SLC36A1: variants seen among roughly 807,000 people sequenced by gnomAD.
SLC36A1 encodes solute carrier family 36 member 1, also known as proton-coupled amino acid transporter 1.
SLC36A1 carries 30 observed loss-of-function variants against 47.5 expected under a neutral mutation model. The observed-to-expected ratio is 0.63, with a 90% CI of 0.47 to 0.86. The LOEUF (loss-of-function observed/expected upper bound fraction) is 0.86, where lower values mean the gene tolerates loss of function less well. SLC36A1 is among the 40% of genes least tolerant of loss of function. The pLI is 0.00. For synonymous variants in SLC36A1, 255 were observed against 249.7 expected (o/e 1.02, Z -0.20); for missense variants, 517 against 606.0 (o/e 0.85, Z 1.54).
At chr5:151,365,602 G>C in the SLC36A1 span, among the ~76,000 whole-genome samples, 1 of 152,168 alleles carries the variant, frequency 6.6e-6, no homozygotes, top group Non-Finnish European at 1.5e-5. Flanking sequence ...GGCTCAGAGA[G>C]GAAAAGTCAC....
At chr5:151,347,147 G>C in the SLC36A1 span, 1 of 907,920 alleles carries the variant, frequency 1.1e-6, no homozygotes, top group Non-Finnish European at 1.8e-6. Flanking sequence ...TTCTGCCTCA[G>C]CTTGACTCAG....
At chr5:151,394,125 CTTCTCTTCTCGCTTCATTTCA>C in the SLC36A1 span, among the ~76,000 whole-genome samples, 1 of 152,084 alleles carries the variant, frequency 6.6e-6, no homozygotes, top group Non-Finnish European at 1.5e-5. Context: ...TTTCTCTAAA[CTTCTCTTCTCGCTTCATTTCA>C]TTCATTTGAT....
chr5:151,541,831 T>C, the SLC36A1 span, among the ~76,000 whole-genome samples: 4 of 152,248 alleles, frequency 2.6e-5, no homozygotes, highest in African/African-American at 7.2e-5. Flanking sequence ...GGAAGTGCTG[T>C]CATTCTTACA....
chr5:151,521,401 G>A, the SLC36A1 span: 18 of 1,614,216 alleles, frequency 1.1e-5, no homozygotes, highest in East Asian at 3.6e-4. Context: ...ACCCTGGCAG[G>A]TTGGCCCCTG....
chr5:151,482,900 G>T (rs1561783371), intron 10 of SLC36A1, among the ~76,000 whole-genome samples: 1 of 152,156 alleles, frequency 6.6e-6, no homozygotes, highest in Admixed American at 6.5e-5. Context: ...AGCCTGGTGT[G>T]GTGGCAGGTG....
At chr5:151,408,464 GGCGTGAACCACCGTGCCT>G in the SLC36A1 span, among the ~76,000 whole-genome samples, 1 of 152,076 alleles carries the variant, frequency 6.6e-6, no homozygotes, top group Non-Finnish European at 1.5e-5. Context: ...TGGGATTACA[GGCGTGAACCACCGTGCCT>G]GGCCAAGTCA....
At chr5:151,545,462 T>C in the SLC36A1 span, 1 of 1,614,222 alleles carries the variant, frequency 6.2e-7, no homozygotes, top group South Asian at 1.1e-5. Context: ...AGAAGCTCCA[T>C]GCCTGGATGG....
the SLC36A1 span, among the ~76,000 whole-genome samples, chr5:151,392,235 A>T: frequency 3.9e-5 from 6 of 152,010 alleles, no homozygotes; most frequent in Non-Finnish European, 8.8e-5. Flanking sequence ...TTTCTGTGGG[A>T]TTGGTGGTGA....
At chr5:151,507,630 C>T in the SLC36A1 span, 1 of 1,389,270 alleles carries the variant, frequency 7.2e-7, no homozygotes. Context: ...ACAGAGTAGT[C>T]AGGGGGCCAA....
chr5:151,542,704 TC>T, the SLC36A1 span: 1 of 1,614,244 alleles, frequency 6.2e-7, no homozygotes, highest in South Asian at 1.1e-5. Context: ...TGGCATATTC[TC>T]AGTGAGGACA....
chr5:151,467,292 C>T lies in SLC36A1; in HGVS notation c.504+9C>T, dbSNP rs1756549783. The T allele has an allele frequency of 1.4e-6, 2 of 1,422,142 alleles. No individual in the cohort carries two copies. Among genetic ancestry groups the T allele is most frequent in the Non-Finnish European group, 9.5e-7 (1 of 1,052,156 alleles). 88.1% of individuals were successfully genotyped at this position (1,422,142 alleles called of 1,614,324 possible). ...CTGACAACTTTAAACAGGTAGGCAC[C>T]TGGTTAAAAAAGAAAAAAAAAAAAA... On this transcript the variant is annotated intron_variant, in intron 6 of 10. Coordinates refer to ENST00000243389, the MANE Select transcript of SLC36A1 (RefSeq NM_078483.4).
chr5:151,447,551 T>G (rs1001600827), upstream of SLC36A1: 10 of 152,272 alleles, frequency 6.6e-5, no homozygotes, highest in African/African-American at 2.4e-4. Flanking sequence ...GCGCGGCCGC[T>G]CAAGGGAGCA....
downstream of SLC36A1, among the ~76,000 whole-genome samples, chr5:151,493,593 A>AT (rs57123389): frequency 0.12 from 17,568 of 152,210 alleles, 2,882 homozygotes; most frequent in African/African-American, 0.36. Context: ...AAAGTATAAC[A>AT]TTTTACCAAG....
the SLC36A1 span, chr5:151,510,938 C>T: frequency 6.6e-6 from 1 of 152,468 alleles, no homozygotes; most frequent in Non-Finnish European, 1.5e-5. Context: ...GAACTATGGC[C>T]TGGGAGGTGC....
intron 2 of SLC36A1, among the ~76,000 whole-genome samples, chr5:151,462,807 C>T (rs558796024): frequency 6.6e-6 from 1 of 151,058 alleles, no homozygotes; most frequent in South Asian, 2.1e-4. Context: ...TTTTAATTTC[C>T]TCTGTTCTCT....
the SLC36A1 span, chr5:151,543,146 TGAA>T: frequency 6.2e-7 from 1 of 1,614,192 alleles, no homozygotes; most frequent in Non-Finnish European, 8.5e-7. Flanking sequence ...TGGGCTTTGA[TGAA>T]GAAGTCAAGG....
the SLC36A1 span, among the ~76,000 whole-genome samples, chr5:151,374,064 G>T: frequency 6.6e-6 from 1 of 152,162 alleles, no homozygotes; most frequent in Non-Finnish European, 1.5e-5. Flanking sequence ...AGTCCAAGGT[G>T]CAAGGCCCTT....
At chr5:151,499,558 C>G in the SLC36A1 span, among the ~76,000 whole-genome samples, 2 of 152,192 alleles carry the variant, frequency 1.3e-5, no homozygotes, top group African/African-American at 4.8e-5. Flanking sequence ...CGTTTTCCCC[C>G]CAAGGCCTTT....
At chr5:151,498,250 G>C in the SLC36A1 span, among the ~76,000 whole-genome samples, 1 of 152,044 alleles carries the variant, frequency 6.6e-6, no homozygotes. Context: ...CGGCCAGGGG[G>C]GTGGGAATGT....
Sources: allele counts gnomAD v4.1 joint callset (sites outside exome capture counted in the v4.1 genomes callset), GRCh38; gene constraint gnomAD v4.1.1; transcripts MANE v1.5; gene names NCBI Gene and HGNC (gene_info 2026-07-23, HGNC 2026-07-21).